Variants in LARGE1 observed in about 807,000 individuals in gnomAD.
LARGE1 encodes LARGE xylosyl- and glucuronyltransferase 1, also known as xylosyl- and glucuronyltransferase LARGE1.
In LARGE1, 43 loss-of-function variants were observed where a neutral mutation model predicts 87.6. That is an observed-to-expected ratio of 0.49 (90% confidence interval 0.38 to 0.63). The LOEUF (loss-of-function observed/expected upper bound fraction) is 0.63, where lower values mean the gene tolerates loss of function less well. LARGE1 is among the 30% of genes least tolerant of loss of function. The probability of loss-of-function intolerance (pLI) is 0.00; values close to 1 mark genes in which losing one functional copy is unlikely to be tolerated. For missense variants in LARGE1, 802 were observed against 1,000.2 expected (o/e 0.80, Z 2.67); for synonymous variants, 434 against 394.6 (o/e 1.10, Z -1.18).
chr22:33,571,649 C>T (rs556302867), intron 5 of LARGE1, among the ~76,000 whole-genome samples: 5 of 152,280 alleles, frequency 3.3e-5, no homozygotes, highest in South Asian at 2.1e-4. Context: ...ATGCCTAGCA[C>T]GTGCTGGGTG....
chr22:33,716,636 G>A (rs201609127), intron 2 of LARGE1, among the ~76,000 whole-genome samples: 1 of 152,172 alleles, frequency 6.6e-6, no homozygotes, highest in East Asian at 1.9e-4. Flanking sequence ...GCATTCAAGA[G>A]CAATCCACCT....
chr22:33,384,696 C>G (rs2065266344), intron 7 of LARGE1, among the ~76,000 whole-genome samples: 1 of 148,496 alleles, frequency 6.7e-6, no homozygotes, highest in Admixed American at 6.7e-5. Flanking sequence ...GGCCGCACAA[C>G]AATGTGAATG....
intron 1 of LARGE1, among the ~76,000 whole-genome samples, chr22:33,854,604 T>G (rs956663475): frequency 6.6e-6 from 1 of 152,058 alleles, no homozygotes; most frequent in Non-Finnish European, 1.5e-5. Context: ...ATGAAGAAGA[T>G]AGTCTAATCA....
intron 5 of LARGE1, among the ~76,000 whole-genome samples, chr22:33,582,016 C>A (rs943025009): frequency 6.6e-6 from 1 of 152,142 alleles, no homozygotes; most frequent in Non-Finnish European, 1.5e-5. Context: ...ACAGTCAGCA[C>A]CTGCCTAGAG....
intron 4 of LARGE1, among the ~76,000 whole-genome samples, chr22:33,610,795 G>A (rs1249590941): frequency 6.6e-6 from 1 of 152,164 alleles, no homozygotes; most frequent in African/African-American, 2.4e-5. Context: ...CAGAGGCCTA[G>A]GAAGAAAGAA....
chr22:33,384,481 C>T (rs1223170624), intron 7 of LARGE1, among the ~76,000 whole-genome samples, 177 bp from the exon 8 acceptor site: 1 of 124,808 alleles, frequency 8.0e-6, no homozygotes, highest in Non-Finnish European at 1.9e-5. Context: ...TGAGGCTCCA[C>T]AGTATGGGGC....
chr22:33,640,260 G>A (rs1474183206), intron 3 of LARGE1, among the ~76,000 whole-genome samples: 3 of 152,190 alleles, frequency 2.0e-5, no homozygotes, highest in Non-Finnish European at 4.4e-5. Context: ...CTCATGGGTA[G>A]GAGGCCAGCA....
chr22:33,539,599 T>C (rs901552740), intron 6 of LARGE1, among the ~76,000 whole-genome samples: 5 of 152,000 alleles, frequency 3.3e-5, no homozygotes, highest in Non-Finnish European at 5.9e-5. Context: ...AACTTTTTTT[T>C]TTTTTTTTGA....
intron 1 of LARGE1, among the ~76,000 whole-genome samples, chr22:33,904,563 G>C (rs1186981636): frequency 3.3e-5 from 5 of 152,148 alleles, no homozygotes; most frequent in Non-Finnish European, 7.4e-5. Flanking sequence ...ATGGGGACAG[G>C]CTGCCTGAGA....
In LARGE1 at chr22:33,907,684, CAGCCTCCTG is replaced by C. The variant is rs573983195; in HGVS notation, c.-83+12302_-83+12310del. Among the ~76,000 whole-genome samples the C allele has an allele frequency of 1.8e-3, 271 of 152,230 alleles. 1 individual carries two copies. The highest frequency in any genetic ancestry group is 4.5e-3 in the African/African-American group (188 of 41,554). ...CCGGGTTCACACCATTCTCCTGCCT[CAGCCTCCTG>C]AGCCTCCTGAGCCTCCTGAGCCTCC... On this transcript the variant is annotated intron_variant, in intron 1 of 14. Transcript: ENST00000397394.
intron 5 of LARGE1, among the ~76,000 whole-genome samples, chr22:33,582,572 T>C (rs974205100): frequency 3.9e-5 from 6 of 152,356 alleles, no homozygotes; most frequent in Non-Finnish European, 8.8e-5. Context: ...CTCTCTTGGC[T>C]GAAGGCAATG....
chr22:33,658,941 C>G (rs2081047794), intron 2 of LARGE1, among the ~76,000 whole-genome samples: 1 of 152,168 alleles, frequency 6.6e-6, no homozygotes, highest in Non-Finnish European at 1.5e-5. Context: ...TGCTCTGACC[C>G]TGCACTCCAT....
At chr22:33,662,263 C>T (rs991782210) in intron 2 of LARGE1, among the ~76,000 whole-genome samples, 1 of 152,012 alleles carries the variant, frequency 6.6e-6, no homozygotes, top group South Asian at 2.1e-4. Flanking sequence ...AAATGGTGCA[C>T]CTGCCAAACC....
chr22:33,781,393 C>G (rs1015597818), intron 1 of LARGE1, among the ~76,000 whole-genome samples: 1 of 152,008 alleles, frequency 6.6e-6, no homozygotes, highest in African/African-American at 2.4e-5. Context: ...CCCAGCTACT[C>G]GGGAGGCTGA....
chr22:33,435,895 A>C (rs1311630805), intron 6 of LARGE1, among the ~76,000 whole-genome samples: 1 of 152,224 alleles, frequency 6.6e-6, no homozygotes, highest in Non-Finnish European at 1.5e-5. Context: ...TGAGAAAAAA[A>C]CAGAATAATC....
chr22:33,333,040 T>TCC (rs2146509650), intron 10 of LARGE1, among the ~76,000 whole-genome samples: 1 of 138,430 alleles, frequency 7.2e-6, no homozygotes, highest in Non-Finnish European at 1.5e-5. Context: ...GGAGTCTCAC[T>TCC]CTGTCACCCA....
intron 2 of LARGE1, among the ~76,000 whole-genome samples, chr22:33,760,983 A>C (rs988839368): frequency 6.6e-6 from 1 of 152,062 alleles, no homozygotes; most frequent in Non-Finnish European, 1.5e-5. Flanking sequence ...CACCACCACC[A>C]CCACCACCAC....
intron 6 of LARGE1, among the ~76,000 whole-genome samples, chr22:33,443,929 A>G (rs914570316): frequency 2.6e-5 from 4 of 152,286 alleles, no homozygotes; most frequent in African/African-American, 9.6e-5. Context: ...AGCTGGCCTC[A>G]GCCCAGCTAC....
chr22:33,505,541 G>C (rs989858296), intron 6 of LARGE1, among the ~76,000 whole-genome samples: 7 of 152,194 alleles, frequency 4.6e-5, no homozygotes, highest in African/African-American at 1.4e-4. Flanking sequence ...GCTGGGAAGA[G>C]AGATTTATTC....
Sources: allele counts gnomAD v4.1 joint callset (sites outside exome capture counted in the v4.1 genomes callset), GRCh38; gene constraint gnomAD v4.1.1; transcripts MANE v1.5; gene names NCBI Gene and HGNC (gene_info 2026-07-23, HGNC 2026-07-21).